The following LHFPL3 variants were observed in gnomAD, a reference collection of about 807,000 sequenced individuals.
LHFPL3 encodes LHFPL tetraspan subfamily member 3 protein.
Under a neutral mutation model 19.3 loss-of-function variants are expected in LHFPL3, and 5 were observed. The ratio of observed to expected loss-of-function variants is 0.26; its 90% CI spans 0.14 to 0.54. LHFPL3 has a LOEUF of 0.54. LHFPL3 is among the 20% of genes least tolerant of loss of function. LHFPL3 has a pLI of 0.94. For synonymous variants in LHFPL3, 133 were observed against 126.2 expected (o/e 1.05, Z -0.36); for missense variants, 249 against 307.4 (o/e 0.81, Z 1.42).
At chr7:104,515,716 AT>A (rs1360746668) in intron 1 of LHFPL3, among the ~76,000 whole-genome samples, 1 of 152,078 alleles carries the variant, frequency 6.6e-6, no homozygotes, top group East Asian at 1.9e-4. Context: ...AAAGGAGGAA[AT>A]TTTTCCACCC....
intron 1 of LHFPL3, among the ~76,000 whole-genome samples, chr7:104,358,648 G>A (rs1790332168): frequency 6.6e-6 from 1 of 152,210 alleles, no homozygotes; most frequent in African/African-American, 2.4e-5. Flanking sequence ...CACAGAGCCA[G>A]TGATGGAGAT....
intron 2 of LHFPL3, among the ~76,000 whole-genome samples, chr7:104,753,641 G>A (rs1014270438): frequency 6.6e-6 from 1 of 151,970 alleles, no homozygotes; most frequent in Non-Finnish European, 1.5e-5. Flanking sequence ...ATTGGGAGAA[G>A]CTATTTGGAA....
rs1183552359 is a variant in LHFPL3 at position 104,907,038 on chromosome 7, CT to C, written c.*825del. ...AAATATAGAAAAAGTTCATTTTCAC[CT>C]TGGAAGCTCACGTGTAATATTATAG... On this transcript the variant is annotated 3_prime_UTR_variant, in exon 3 of 3. Coordinates refer to ENST00000424859, the MANE Select transcript of LHFPL3 (RefSeq NM_199000.3). The C allele has an allele frequency of 6.6e-6, 1 of 152,540 alleles. No homozygotes were observed. The highest frequency in any genetic ancestry group is 6.6e-5 in the Admixed American group (1 of 15,264). 9.4% of individuals were successfully genotyped at this position (152,540 alleles called of 1,614,324 possible). A position where few individuals can be genotyped will look rare whatever the true frequency, so the allele number is the denominator to read the frequency against.
rs980121645 is a variant in LHFPL3 at position 104,448,466 on chromosome 7, T to C, written c.445+119242T>C. ...CAGCAAAATGGCTCCTTCAGAGCCA[T>C]TACATTGCAGTTCATCAAGTAAATA... On this transcript the variant is annotated intron_variant, in intron 1 of 2. Transcript: ENST00000424859. Among the ~76,000 whole-genome samples, 9 of 152,194 alleles carry C rather than the reference T, an allele frequency of 5.9e-5. No individual in the cohort carries two copies. In the East Asian group the frequency reaches 1.5e-3, roughly 26 times the overall value.
intron 1 of LHFPL3, among the ~76,000 whole-genome samples, chr7:104,461,397 G>A (rs952170906): frequency 6.6e-6 from 1 of 152,090 alleles, no homozygotes; most frequent in African/African-American, 2.4e-5. Flanking sequence ...GTAAGGAAGG[G>A]GTCCAATTTC....
chr7:104,689,432 G>A (rs1470131562), intron 1 of LHFPL3, among the ~76,000 whole-genome samples: 2 of 152,162 alleles, frequency 1.3e-5, no homozygotes, highest in Admixed American at 6.5e-5. Context: ...GTATAACCAG[G>A]AAACTTCCAG....
At position 104,686,808 on chromosome 7, in the gene LHFPL3, G is replaced by A. The variant is rs111578691; in HGVS notation, c.446-49867G>A. On this transcript the variant is annotated intron_variant, in intron 1 of 2. Transcript: ENST00000424859. ...AGAGATTTAATTGACTCACAGTTCC[G>A]CATGGCTGGGGAGGCCTCAGGAAAC... Among the ~76,000 whole-genome samples, 715 of 152,304 alleles carry A rather than the reference G, an allele frequency of 4.7e-3. 10 individuals are homozygous for A. The highest frequency in any genetic ancestry group is 0.015 in the African/African-American group (635 of 41,564).
intron 2 of LHFPL3, among the ~76,000 whole-genome samples, chr7:104,782,732 A>G (rs1359823598): frequency 1.3e-5 from 2 of 152,224 alleles, no homozygotes; most frequent in African/African-American, 4.8e-5. Flanking sequence ...AGCATAGCCA[A>G]CTAGGTCCTT....
At chr7:104,742,100 T>G (rs1298429044) in intron 2 of LHFPL3, among the ~76,000 whole-genome samples, 1 of 152,248 alleles carries the variant, frequency 6.6e-6, no homozygotes, top group Admixed American at 6.5e-5. Context: ...AAATTAAAGT[T>G]TCATCCAGAT....
intron 2 of LHFPL3, among the ~76,000 whole-genome samples, chr7:104,797,563 G>A (rs948283397): frequency 2.0e-5 from 3 of 152,122 alleles, no homozygotes; most frequent in Non-Finnish European, 2.9e-5. Context: ...AACCTTCATG[G>A]TTAAAATCTA....
rs563082639 is a variant in LHFPL3 at position 104,531,880 on chromosome 7, C to A, written c.445+202656C>A. Among the ~76,000 whole-genome samples, 5 of 152,238 alleles carry A rather than the reference C, an allele frequency of 3.3e-5. No individual in the cohort carries two copies. In the East Asian group the frequency reaches 9.7e-4, roughly 29 times the overall value. ...GGATCAGGATCTTTAATCTGGCCAG[C>A]AGGCACCTATCCCTCCATGATCCCA... On this transcript the variant is annotated intron_variant, in intron 1 of 2. Coordinates refer to ENST00000424859, the MANE Select transcript of LHFPL3 (RefSeq NM_199000.3).
At chr7:104,430,953 A>G (rs2116559688) in intron 1 of LHFPL3, among the ~76,000 whole-genome samples, 1 of 152,268 alleles carries the variant, frequency 6.6e-6, no homozygotes, top group Non-Finnish European at 1.5e-5. Context: ...GGTGGTTTTG[A>G]AATACATACA....
chr7:104,505,517 A>G (rs958354891), intron 1 of LHFPL3, among the ~76,000 whole-genome samples: 1 of 152,226 alleles, frequency 6.6e-6, no homozygotes, highest in African/African-American at 2.4e-5. Context: ...CAAAAGAGGC[A>G]TGATAACGCA....
At chr7:104,858,184 C>G (rs182492260) in intron 2 of LHFPL3, among the ~76,000 whole-genome samples, 2 of 152,310 alleles carry the variant, frequency 1.3e-5, no homozygotes, top group Non-Finnish European at 2.9e-5. Context: ...TGGCTCAGAT[C>G]TTACTGCAAC....
chr7:104,754,906 G>C (rs1175328978), intron 2 of LHFPL3, among the ~76,000 whole-genome samples: 1 of 152,054 alleles, frequency 6.6e-6, no homozygotes, highest in Non-Finnish European at 1.5e-5. Context: ...TAGTGCTACA[G>C]AAGTTCTCAC....
At chr7:104,370,144 G>A (rs1441207875) in intron 1 of LHFPL3, among the ~76,000 whole-genome samples, 1 of 152,190 alleles carries the variant, frequency 6.6e-6, no homozygotes, top group African/African-American at 2.4e-5. Context: ...GGAAGAGGTT[G>A]AAATGATAAA....
chr7:104,738,557 G>C (rs1467217153), intron 2 of LHFPL3: 2 of 151,962 alleles, frequency 1.3e-5, no homozygotes, highest in East Asian at 3.9e-4. Context: ...GACATCTTTT[G>C]ACCACAAACA....
At chr7:104,483,476 T>C (rs926458727) in intron 1 of LHFPL3, among the ~76,000 whole-genome samples, 1 of 152,242 alleles carries the variant, frequency 6.6e-6, no homozygotes, top group Admixed American at 6.5e-5. Flanking sequence ...TTTTACTGTT[T>C]GTCTCAAGAA....
chr7:104,813,381 G>T, intron 2 of LHFPL3, among the ~76,000 whole-genome samples: 1 of 152,208 alleles, frequency 6.6e-6, no homozygotes, highest in East Asian at 1.9e-4. Flanking sequence ...CAAAAAGAAA[G>T]CCAGGGAAGT....
Sources: allele counts gnomAD v4.1 joint callset (sites outside exome capture counted in the v4.1 genomes callset), GRCh38; gene constraint gnomAD v4.1.1; transcripts MANE v1.5; gene names NCBI Gene and HGNC (gene_info 2026-07-23, HGNC 2026-07-21).